The following ST6GALNAC3 variants were observed in gnomAD, a reference collection of about 807,000 sequenced individuals.
ST6GALNAC3 encodes the protein alpha-N-acetylgalactosaminide alpha-2,6-sialyltransferase 3.
ST6GALNAC3 carries 25 observed loss-of-function variants against 32.7 expected under a neutral mutation model. The ratio of observed to expected loss-of-function variants is 0.76; its 90% confidence interval spans 0.56 to 1.07. ST6GALNAC3 has a LOEUF of 1.07. ST6GALNAC3 is among the 50% of genes least tolerant of loss of function. The probability of loss-of-function intolerance (pLI) is 0.00; values close to 1 mark genes in which losing one functional copy is unlikely to be tolerated. For missense variants in ST6GALNAC3, 355 were observed against 382.4 expected (o/e 0.93, Z 0.60); for synonymous variants, 129 against 133.1 (o/e 0.97, Z 0.21).
chr1:76,434,847 G>A (rs945001772), intron 3 of ST6GALNAC3, among the ~76,000 whole-genome samples: 1 of 134,434 alleles, frequency 7.4e-6, no homozygotes, highest in East Asian at 2.2e-4. Context: ...CTGGAATGCA[G>A]TGGCAAGATC....
At chr1:76,305,252 A>G (rs535739287) in intron 1 of ST6GALNAC3, among the ~76,000 whole-genome samples, 1 of 152,276 alleles carries the variant, frequency 6.6e-6, no homozygotes, top group African/African-American at 2.4e-5. Context: ...CATTGGTACC[A>G]TCAAGAAAAG....
At chr1:76,626,434 A>G (rs1317904221) in intron 3 of ST6GALNAC3, among the ~76,000 whole-genome samples, 2 of 151,948 alleles carry the variant, frequency 1.3e-5, no homozygotes, top group Non-Finnish European at 1.5e-5. Context: ...CTGGCTAAAG[A>G]CAAATATGGA....
At chr1:76,244,757 G>T (rs200749835) in intron 1 of ST6GALNAC3, among the ~76,000 whole-genome samples, 1 of 152,038 alleles carries the variant, frequency 6.6e-6, no homozygotes, top group East Asian at 1.9e-4. Flanking sequence ...ATTGATTAGC[G>T]CATGTTGAAC....
intron 1 of ST6GALNAC3, among the ~76,000 whole-genome samples, chr1:76,153,919 G>C (rs147124281): frequency 6.6e-6 from 1 of 152,000 alleles, no homozygotes; most frequent in Non-Finnish European, 1.5e-5. Flanking sequence ...TCTCCATTTT[G>C]GTGTCTTATC....
At chr1:76,467,385 A>G (rs1658709587) in intron 3 of ST6GALNAC3, among the ~76,000 whole-genome samples, 2 of 152,122 alleles carry the variant, frequency 1.3e-5, no homozygotes, top group East Asian at 1.9e-4. Flanking sequence ...TAGGTGATCC[A>G]TCCCTGCTAT....
chr1:76,142,100 G>T, intron 1 of ST6GALNAC3, among the ~76,000 whole-genome samples: 1 of 152,182 alleles, frequency 6.6e-6, no homozygotes, highest in East Asian at 1.9e-4. Context: ...TAGTCAGGAA[G>T]ATGACATCCC....
intron 3 of ST6GALNAC3, among the ~76,000 whole-genome samples, chr1:76,604,873 A>G (rs1468719076): frequency 1.3e-5 from 2 of 152,086 alleles, no homozygotes; most frequent in Admixed American, 6.5e-5. Context: ...ATTTTTCAGG[A>G]GTGTTCCTTG....
chr1:76,121,936 A>T (rs921279518), intron 1 of ST6GALNAC3, among the ~76,000 whole-genome samples: 5 of 152,162 alleles, frequency 3.3e-5, no homozygotes, highest in Non-Finnish European at 7.3e-5. Context: ...TACCTGGAAC[A>T]TGCCTGGAAT....
chr1:76,110,982 A>G (rs1647888935), intron 1 of ST6GALNAC3, among the ~76,000 whole-genome samples: 2 of 152,210 alleles, frequency 1.3e-5, no homozygotes, highest in Admixed American at 1.3e-4. Context: ...ATAGAGGAGA[A>G]GAGACAAGAG....
intron 3 of ST6GALNAC3, among the ~76,000 whole-genome samples, chr1:76,493,610 T>C (rs547992781): frequency 6.6e-6 from 1 of 152,262 alleles, no homozygotes; most frequent in African/African-American, 2.4e-5. Flanking sequence ...CCTCTCTCTC[T>C]GTTTTAAATG....
At chr1:76,310,130 G>A in intron 1 of ST6GALNAC3, 1 of 359,004 alleles carries the variant, frequency 2.8e-6, no homozygotes, top group Non-Finnish European at 5.5e-6. Flanking sequence ...AATCCCATCT[G>A]GGTCTCCTTC....
At chr1:76,495,529 T>C (rs1462201573) in intron 3 of ST6GALNAC3, among the ~76,000 whole-genome samples, 1 of 152,164 alleles carries the variant, frequency 6.6e-6, no homozygotes, top group East Asian at 1.9e-4. Context: ...CACTGTCTGA[T>C]GAAGGCCAGG....
intron 1 of ST6GALNAC3, among the ~76,000 whole-genome samples, chr1:76,112,143 AG>A (rs1364128783): frequency 8.7e-6 from 1 of 115,020 alleles, no homozygotes; most frequent in East Asian, 2.9e-4. Flanking sequence ...CCTCCCGGAC[AG>A]GGCGGCTGGC....
chr1:76,382,546 G>C (rs1651794236), intron 2 of ST6GALNAC3, among the ~76,000 whole-genome samples: 1 of 152,096 alleles, frequency 6.6e-6, no homozygotes, highest in Non-Finnish European at 1.5e-5. Context: ...GATTAAAAAG[G>C]TGAAAGATAA....
At chr1:76,153,461 C>T (rs1051514391) in intron 1 of ST6GALNAC3, among the ~76,000 whole-genome samples, 3 of 152,182 alleles carry the variant, frequency 2.0e-5, no homozygotes, top group African/African-American at 4.8e-5. Flanking sequence ...GTCCCCAACT[C>T]AGGACCTCAC....
At chr1:76,501,549 G>GT (rs1661176751) in intron 3 of ST6GALNAC3, among the ~76,000 whole-genome samples, 1 of 152,060 alleles carries the variant, frequency 6.6e-6, no homozygotes, top group South Asian at 2.1e-4. Context: ...GAAGTGAATT[G>GT]TAAGAGATGG....
At chr1:76,117,886 T>G (rs572187043) in intron 1 of ST6GALNAC3, among the ~76,000 whole-genome samples, 1 of 152,352 alleles carries the variant, frequency 6.6e-6, no homozygotes, top group African/African-American at 2.4e-5. Context: ...AATCTCAGTT[T>G]TCCTGTTGAT....
At chr1:76,085,616 G>A (rs1203188581) in intron 1 of ST6GALNAC3, among the ~76,000 whole-genome samples, 2 of 152,196 alleles carry the variant, frequency 1.3e-5, no homozygotes, top group Non-Finnish European at 2.9e-5. Flanking sequence ...ACCACTGGAA[G>A]GGACGGTTGT....
intron 3 of ST6GALNAC3, among the ~76,000 whole-genome samples, chr1:76,606,883 C>T (rs1381964329): frequency 6.8e-6 from 1 of 147,964 alleles, no homozygotes; most frequent in South Asian, 2.1e-4. Context: ...TCATGCCGAC[C>T]GATTCTCCAA....
Sources: allele counts gnomAD v4.1 joint callset (sites outside exome capture counted in the v4.1 genomes callset), GRCh38; gene constraint gnomAD v4.1.1; transcripts MANE v1.5; gene names NCBI Gene and HGNC (gene_info 2026-07-23, HGNC 2026-07-21).